PVT1: variants seen among roughly 807,000 people sequenced by gnomAD.
PVT1 encodes the protein CXCR4/PVT1 fusion.
chr8:128,021,092 C>G (rs1431338614), intron 4 of PVT1, among the ~76,000 whole-genome samples: 2 of 152,092 alleles, frequency 1.3e-5, no homozygotes, highest in Non-Finnish European at 2.9e-5. Context: ...CAGGCCCTCC[C>G]TCTGCCCAAC....
At chr8:128,015,229 G>A (rs1817359646) in intron 4 of PVT1, among the ~76,000 whole-genome samples, 2 of 151,916 alleles carry the variant, frequency 1.3e-5, no homozygotes, top group Admixed American at 1.3e-4. Context: ...AACTGGGATT[G>A]CAGGCGTGCA....
chr8:127,853,699 C>T lies in PVT1; in HGVS notation n.373-36890C>T, dbSNP rs764167197. ...AGGAGGCTGAGGCAGGAGAATCGCTCCAACCTGGGAGGCAGAGACTGTAAT... is the reference window on the plus strand; with the variant it reads ...AGGAGGCTGAGGCAGGAGAATCGCTTCAACCTGGGAGGCAGAGACTGTAAT... On this transcript the variant is annotated intron_variant and non_coding_transcript_variant, in intron 2 of 10. Transcript: ENST00000651587. 4.6e-5 allele frequency among the ~76,000 whole-genome samples: 7 copies of T among 151,836 alleles called. 1 individual carries two copies. Among genetic ancestry groups the T allele is most frequent in the Non-Finnish European group, 7.4e-5 (5 of 67,990 alleles).
At chr8:127,927,895 G>A (rs34390452) in intron 3 of PVT1, among the ~76,000 whole-genome samples, 43,276 of 152,158 alleles carry the variant, frequency 0.28, 6,920 homozygotes, top group Middle Eastern at 0.42. Context: ...ACACAGACCT[G>A]TGTAAGTTAA....
intron 3 of PVT1, among the ~76,000 whole-genome samples, chr8:127,979,232 TG>T (rs1816857420): frequency 6.6e-6 from 1 of 152,136 alleles, no homozygotes; most frequent in Non-Finnish European, 1.5e-5. Flanking sequence ...TTGAAGAAAA[TG>T]GGTCTCTAAC....
chr8:127,923,649 G>A (rs1457350794), intron 3 of PVT1, among the ~76,000 whole-genome samples: 1 of 152,180 alleles, frequency 6.6e-6, no homozygotes, highest in Non-Finnish European at 1.5e-5. Context: ...CACATTAAAA[G>A]CGCTGAGACT....
chr8:127,868,200 A>G lies in PVT1; in HGVS notation n.373-22389A>G, dbSNP rs1295981514. Among the ~76,000 whole-genome samples, 3 of 152,272 alleles carry G rather than the reference A, an allele frequency of 2.0e-5. No individual in the cohort carries two copies. The East Asian group carries it at 5.8e-4, about 29-fold the overall frequency. Reference sequence around the variant, plus strand: ...GGTGGTGGGAAGACCTAGAGAGGTTAGGGTCCACCTTAGCACTAGCTCTCT... The same window carrying G: ...GGTGGTGGGAAGACCTAGAGAGGTTGGGGTCCACCTTAGCACTAGCTCTCT... On this transcript the variant is annotated intron_variant and non_coding_transcript_variant, in intron 2 of 10. Coordinates refer to ENST00000651587, the Ensembl canonical transcript of PVT1.
At chr8:127,829,234 G>A (rs1372350647) in intron 2 of PVT1, among the ~76,000 whole-genome samples, 2 of 152,148 alleles carry the variant, frequency 1.3e-5, no homozygotes, top group Non-Finnish European at 2.9e-5. Flanking sequence ...CCAAGATCAC[G>A]CCATTGCACT....
chr8:128,022,672 A>G (rs550413058), intron 4 of PVT1, among the ~76,000 whole-genome samples: 2 of 152,288 alleles, frequency 1.3e-5, no homozygotes, highest in South Asian at 4.1e-4. Flanking sequence ...CCAAGTTCAA[A>G]TCCTGACTCA....
intron 2 of PVT1, among the ~76,000 whole-genome samples, chr8:127,853,597 A>G (rs895619699): frequency 6.6e-6 from 1 of 152,116 alleles, no homozygotes; most frequent in African/African-American, 2.4e-5. Flanking sequence ...CCTGGGCAAC[A>G]TGGTGAAACC....
intron 2 of PVT1, among the ~76,000 whole-genome samples, chr8:127,857,016 A>G (rs1203933224): frequency 6.6e-6 from 1 of 152,086 alleles, no homozygotes; most frequent in East Asian, 1.9e-4. Context: ...GCTTGAGGTC[A>G]GAAGTTCGAG....
rs368293239 is a variant in PVT1, at chr8:127,816,664, C to T, written n.372+20593C>T. On this transcript the variant is annotated intron_variant and non_coding_transcript_variant, in intron 2 of 10. Transcript: ENST00000651587. ...TCAGTCTCCTGAGTAGCTGGGATTA[C>T]GGGCACTCGCCACCATGCCTGGCTA... is the stretch of plus-strand genomic sequence containing the variant. 4.3e-4 allele frequency among the ~76,000 whole-genome samples: 66 copies of T among 152,160 alleles called. No homozygotes were observed. The South Asian group carries it at 0.011, about 25-fold the overall frequency.
chr8:127,961,875 A>G (rs1007187702), intron 3 of PVT1, among the ~76,000 whole-genome samples: 47 of 152,344 alleles, frequency 3.1e-4, no homozygotes, highest in African/African-American at 1.1e-3. Context: ...GGCTTCAACA[A>G]TGACTAACCT....
chr8:128,043,773 TACACACACACACACACAC>T (rs112991135), intron 4 of PVT1, among the ~76,000 whole-genome samples: 1 of 140,802 alleles, frequency 7.1e-6, no homozygotes, highest in African/African-American at 2.8e-5. Context: ...AACTATTTCC[TACACACACACACACACAC>T]ACACACACAC....
chr8:127,856,951 C>T (rs1055045800), intron 2 of PVT1, among the ~76,000 whole-genome samples: 5 of 152,094 alleles, frequency 3.3e-5, no homozygotes, highest in Non-Finnish European at 7.4e-5. Flanking sequence ...GAGGGCTGGG[C>T]GAGGTGGCTC....
intron 2 of PVT1, among the ~76,000 whole-genome samples, chr8:127,864,988 A>G (rs1178360985): frequency 6.6e-6 from 1 of 152,230 alleles, no homozygotes; most frequent in Non-Finnish European, 1.5e-5. Context: ...ATCTAAGACC[A>G]GAACTAGTCT....
intron 2 of PVT1, among the ~76,000 whole-genome samples, chr8:127,838,677 C>A (rs1008285354): frequency 6.6e-6 from 1 of 152,148 alleles, no homozygotes; most frequent in African/African-American, 2.4e-5. Context: ...TGGACTCCAA[C>A]CTGGTCAACA....
intron 4 of PVT1, chr8:128,008,814 C>T (rs931551976): frequency 2.1e-5 from 9 of 437,986 alleles, no homozygotes; most frequent in South Asian, 6.7e-5. Context: ...TGAAGGGGCT[C>T]CCTGCAGGTT....
chr8:127,807,677 G>GTTCTACATA (rs748494770), intron 2 of PVT1, among the ~76,000 whole-genome samples: 20 of 152,272 alleles, frequency 1.3e-4, no homozygotes, highest in Non-Finnish European at 2.9e-4. Flanking sequence ...CACTTACACA[G>GTTCTACATA]TTTGAAAATA....
chr8:127,917,916 C>T (rs1041478736), intron 3 of PVT1, among the ~76,000 whole-genome samples: 6 of 152,378 alleles, frequency 3.9e-5, no homozygotes, highest in East Asian at 3.9e-4. Flanking sequence ...GTGATGCTGG[C>T]GTTCGCCCCT....
Sources: gnomAD v4.1 joint callset for allele counts (sites outside exome capture counted in the v4.1 genomes callset) on GRCh38, gnomAD v4.1.1 for gene constraint, MANE v1.5 for transcripts, NCBI Gene and HGNC (gene_info 2026-07-23, HGNC 2026-07-21) for gene names.